Variants in CDH20 observed in about 807,000 individuals in gnomAD.
CDH20 encodes cadherin 20, also known as cadherin-20.
In CDH20, 29 loss-of-function variants were observed where a neutral mutation model predicts 74.2. The observed-to-expected ratio is 0.39, with a 90% CI of 0.29 to 0.53. The LOEUF is 0.53. CDH20 is among the 20% of genes least tolerant of loss of function. CDH20 has a pLI of 0.69. For missense variants in CDH20, 988 were observed against 1,048.3 expected (o/e 0.94, Z 0.79); for synonymous variants, 469 against 405.4 (o/e 1.16, Z -1.88).
At chr18:61,474,756 G>A (rs1243895436) in intron 1 of CDH20, among the ~76,000 whole-genome samples, 1 of 152,158 alleles carries the variant, frequency 6.6e-6, no homozygotes, top group Non-Finnish European at 1.5e-5. Flanking sequence ...AGCATGAAAA[G>A]CAACCATGTG....
chr18:61,335,667 C>A (rs1037069739), intron 1 of CDH20, among the ~76,000 whole-genome samples: 10 of 152,262 alleles, frequency 6.6e-5, no homozygotes, highest in East Asian at 3.9e-4. Flanking sequence ...AGTAACTGTG[C>A]CTTTCTAACA....
At chr18:61,497,346 A>AACCCAT in intron 2 of CDH20, among the ~76,000 whole-genome samples, 1 of 152,204 alleles carries the variant, frequency 6.6e-6, no homozygotes, top group South Asian at 2.1e-4. Flanking sequence ...ACAACCTCCA[A>AACCCAT]ACCCATCCCT....
intron 7 of CDH20, among the ~76,000 whole-genome samples, chr18:61,532,243 C>A (rs939438670): frequency 6.6e-6 from 1 of 152,006 alleles, no homozygotes; most frequent in African/African-American, 2.4e-5. Context: ...TAAATGAGTC[C>A]ATATAGGTGA....
At chr18:61,388,136 AAGG>A (rs1240188497) in intron 1 of CDH20, among the ~76,000 whole-genome samples, 2 of 152,192 alleles carry the variant, frequency 1.3e-5, no homozygotes, top group African/African-American at 2.4e-5. Flanking sequence ...TCTGTCCAGG[AAGG>A]AGGAGGCGCC....
chr18:61,402,368 C>T (rs1331302271), intron 1 of CDH20, among the ~76,000 whole-genome samples: 1 of 152,048 alleles, frequency 6.6e-6, no homozygotes, highest in Non-Finnish European at 1.5e-5. Flanking sequence ...TATAGGACAA[C>T]ATAGATTTCC....
chr18:61,532,769 C>T (rs764001696), intron 7 of CDH20, among the ~76,000 whole-genome samples: 6 of 152,260 alleles, frequency 3.9e-5, no homozygotes, highest in East Asian at 1.9e-4. Flanking sequence ...AAAATTGCTG[C>T]TTCTCCGTCT....
intron 6 of CDH20, among the ~76,000 whole-genome samples, chr18:61,519,362 C>A (rs1007004060): frequency 4.6e-5 from 7 of 151,132 alleles, no homozygotes; most frequent in African/African-American, 1.7e-4. Flanking sequence ...ATGTTAAGGG[C>A]AGCCAGAGAG....
At chr18:61,539,424 C>T (rs1204432764) in intron 9 of CDH20, among the ~76,000 whole-genome samples, 2 of 152,050 alleles carry the variant, frequency 1.3e-5, no homozygotes, top group East Asian at 1.9e-4. Flanking sequence ...TGGGCAACAT[C>T]GTGAGACCCA....
At position 61,503,066 on chromosome 18, in the gene CDH20, A is replaced by G. The variant is rs779678322; in HGVS notation, c.775A>G (p.Thr259Ala). Residue 259 changes from threonine to alanine, a missense_variant, in exon 5 of 12, where the codon ACA becomes GCA. Thr to Ala is a moderately conservative substitution (Grantham distance 58). This residue lies in a region of CDH20 where 613 missense variants were observed against 755.2 expected (regional missense o/e 0.81). Coordinates refer to ENST00000262717, the MANE Select transcript of CDH20 (RefSeq NM_031891.4). ...GCTTGGAGGATTAGCTGGGACCACAACAGTCAACATCACCCTCTCAGATGT... is the reference window on the plus strand; with the variant it reads ...GCTTGGAGGATTAGCTGGGACCACAGCAGTCAACATCACCCTCTCAGATGT... Reference protein sequence around the residue: ...GQLGGLAGTTTVNITLSDVND... With the variant: ...GQLGGLAGTTAVNITLSDVND... The G allele has an allele frequency of 2.5e-6, 4 of 1,613,900 alleles. No homozygotes were observed. Among genetic ancestry groups the G allele is most frequent in the Non-Finnish European group, 3.4e-6 (4 of 1,179,890 alleles).
intron 1 of CDH20, among the ~76,000 whole-genome samples, chr18:61,347,317 T>TAG (rs1438418011): frequency 8.6e-5 from 6 of 69,660 alleles, no homozygotes; most frequent in Non-Finnish European, 1.8e-4. Context: ...TATATATATA[T>TAG]ATACACACAC....
intron 6 of CDH20, among the ~76,000 whole-genome samples, chr18:61,526,741 CAA>C (rs1162204051): frequency 3.3e-5 from 5 of 151,820 alleles, no homozygotes; most frequent in Non-Finnish European, 7.4e-5. Flanking sequence ...AGAGAACAAC[CAA>C]AAAAATTGTA....
intron 1 of CDH20, among the ~76,000 whole-genome samples, chr18:61,479,634 T>C (rs1295824606): frequency 6.7e-6 from 1 of 149,640 alleles, no homozygotes; most frequent in African/African-American, 2.5e-5. Flanking sequence ...GGGTTTTCTT[T>C]TCTTGTCTTC....
intron 6 of CDH20, among the ~76,000 whole-genome samples, chr18:61,515,579 C>T (rs989234778): frequency 1.2e-4 from 18 of 151,896 alleles, no homozygotes; most frequent in African/African-American, 4.3e-4. Context: ...CACATATACA[C>T]CATGGAATAC....
At chr18:61,514,056 G>A (rs1911885109) in intron 6 of CDH20, among the ~76,000 whole-genome samples, 2 of 152,188 alleles carry the variant, frequency 1.3e-5, no homozygotes, top group African/African-American at 4.8e-5. Flanking sequence ...TGCCTTGCTA[G>A]ATTGGGGAAG....
At position 61,348,452 on chromosome 18, in the gene CDH20, C is replaced by T. The variant is rs116781385; in HGVS notation, c.-153+14625C>T. On this transcript the variant is annotated intron_variant, in intron 1 of 11. Transcript: ENST00000262717. Reference sequence around the variant, plus strand: ...TATCTTGGGTGTTGAATTTCTCTCCCACCAGCTGAGTCATAACCTGCTTCA... The same window carrying T: ...TATCTTGGGTGTTGAATTTCTCTCCTACCAGCTGAGTCATAACCTGCTTCA... Among the ~76,000 whole-genome samples, 1,367 of 152,270 alleles carry T rather than the reference C, an allele frequency of 9.0e-3. 20 individuals carry two copies. Among genetic ancestry groups the T allele is most frequent in the African/African-American group, 0.032 (1,310 of 41,536 alleles).
intron 1 of CDH20, among the ~76,000 whole-genome samples, chr18:61,435,228 G>C (rs1287796449): frequency 1.3e-5 from 2 of 152,102 alleles, no homozygotes; most frequent in African/African-American, 4.8e-5. Context: ...GTGATCTTGA[G>C]CAAGGCTGAC....
intron 1 of CDH20, among the ~76,000 whole-genome samples, chr18:61,486,012 G>A (rs1910749523): frequency 6.6e-6 from 1 of 152,160 alleles, no homozygotes; most frequent in Non-Finnish European, 1.5e-5. Context: ...GGCGGAGCTT[G>A]TAGTGAGCTG....
intron 1 of CDH20, among the ~76,000 whole-genome samples, chr18:61,421,883 T>C (rs1912893881): frequency 6.6e-6 from 1 of 152,150 alleles, no homozygotes; most frequent in African/African-American, 2.4e-5. Context: ...TTTGGTCTGA[T>C]TAGTGTCAAT....
chr18:61,521,979 G>C (rs1912226643), intron 6 of CDH20, among the ~76,000 whole-genome samples: 1 of 152,148 alleles, frequency 6.6e-6, no homozygotes, highest in Middle Eastern at 3.2e-3. Flanking sequence ...TTGGGCAAAA[G>C]CTGGAAGCAT....
Sources: gnomAD v4.1 joint callset for allele counts (sites outside exome capture counted in the v4.1 genomes callset) on GRCh38, gnomAD v4.1.1 for gene constraint, gnomAD v4.1.1 regional missense constraint, MANE v1.5 for transcripts, NCBI Gene and HGNC (gene_info 2026-07-23, HGNC 2026-07-21) for gene names.